Variants in SGCD observed in about 807,000 individuals in gnomAD.
The protein encoded by SGCD is sarcoglycan delta.
A neutral mutation model predicts 36.6 loss-of-function variants in SGCD; 18 were observed. The observed-to-expected ratio is 0.49, with a 90% CI of 0.34 to 0.73. The LOEUF (loss-of-function observed/expected upper bound fraction) is 0.73, where lower values mean the gene tolerates loss of function less well. Ranked by LOEUF, SGCD falls within the 30% of genes least tolerant of loss-of-function variation. SGCD has a pLI of 0.01. For missense variants in SGCD, 387 were observed against 346.7 expected, an observed-to-expected ratio of 1.12 and a Z score of -0.92; for synonymous variants, 133 against 130.6, an observed-to-expected ratio of 1.02 and a Z score of -0.12.
chr5:156,392,457 C>T (rs970512774), intron 3 of SGCD, among the ~76,000 whole-genome samples: 33 of 152,278 alleles, frequency 2.2e-4, no homozygotes, highest in African/African-American at 7.9e-4. Context: ...TACAGATAGG[C>T]AGGTTGTAGG....
intron 3 of SGCD, among the ~76,000 whole-genome samples, chr5:156,244,799 C>T (rs146080760): frequency 1.3e-5 from 2 of 152,256 alleles, no homozygotes; most frequent in Non-Finnish European, 2.9e-5. Flanking sequence ...GTATTTTAAA[C>T]TATAACAGAA....
At chr5:156,534,286 T>C (rs1355502647) in intron 4 of SGCD, among the ~76,000 whole-genome samples, 1 of 151,960 alleles carries the variant, frequency 6.6e-6, no homozygotes, top group Non-Finnish European at 1.5e-5. Context: ...TGTACAAAAG[T>C]GGAAACCTAG....
the SGCD span, among the ~76,000 whole-genome samples, chr5:155,807,577 A>T: frequency 6.6e-6 from 1 of 152,258 alleles, no homozygotes; most frequent in Non-Finnish European, 1.5e-5. Context: ...GTTACTGGAG[A>T]TAAGTCCATA....
intron 7 of SGCD, among the ~76,000 whole-genome samples, chr5:156,696,759 C>T (rs1754332341): frequency 6.6e-6 from 1 of 152,284 alleles, no homozygotes; most frequent in Admixed American, 6.5e-5. Flanking sequence ...ATCTTCCTGC[C>T]TTGGCCTCCC....
At chr5:155,904,619 C>T (rs566129724) in intron 1 of SGCD, among the ~76,000 whole-genome samples, 94 of 152,164 alleles carry the variant, frequency 6.2e-4, no homozygotes, top group African/African-American at 2.0e-3. Flanking sequence ...CAATTCTTTT[C>T]GTGTAAAATA....
At chr5:156,693,492 A>C (rs1561860812) in intron 7 of SGCD, among the ~76,000 whole-genome samples, 1 of 152,086 alleles carries the variant, frequency 6.6e-6, no homozygotes, top group South Asian at 2.1e-4. Context: ...TTATCTTGAG[A>C]AATAGTTGAG....
intron 3 of SGCD, among the ~76,000 whole-genome samples, chr5:156,308,436 C>G (rs1251506766): frequency 1.3e-5 from 2 of 152,004 alleles, no homozygotes; most frequent in African/African-American, 4.8e-5. Context: ...GTAGCTGGGA[C>G]TACAGGTGTC....
At chr5:155,977,354 A>G (rs1030602545) in intron 1 of SGCD, among the ~76,000 whole-genome samples, 3 of 152,228 alleles carry the variant, frequency 2.0e-5, no homozygotes, top group Non-Finnish European at 4.4e-5. Flanking sequence ...TGCTCTTCAT[A>G]ATACTCACAA....
chr5:156,730,349 C>T (rs145536207), intron 7 of SGCD, among the ~76,000 whole-genome samples: 251 of 152,108 alleles, frequency 1.7e-3, no homozygotes, highest in African/African-American at 5.3e-3. Context: ...AGTAACCATT[C>T]GTTATTTTCC....
At chr5:156,073,217 A>T (rs1430613907) in intron 1 of SGCD, among the ~76,000 whole-genome samples, 1 of 152,150 alleles carries the variant, frequency 6.6e-6, no homozygotes, top group Admixed American at 6.6e-5. Flanking sequence ...ATGCAAAGTT[A>T]GGACAAAATG....
the SGCD span, among the ~76,000 whole-genome samples, chr5:155,769,768 G>A: frequency 5.9e-5 from 9 of 152,028 alleles, no homozygotes; most frequent in Admixed American, 2.6e-4. Context: ...CTATTGGCGT[G>A]GCCTTCTTCC....
rs551897954 is a variant in SGCD, at chr5:156,682,803, T to A, written c.575+35267T>A. Among the ~76,000 whole-genome samples, 663 of 141,010 alleles carry A rather than the reference T, an allele frequency of 4.7e-3. 4 individuals are homozygous for A. Among genetic ancestry groups the A allele is most frequent in the Admixed American group, 7.1e-3 (98 of 13,876 alleles). 92.5% of individuals were successfully genotyped at this position (141,010 alleles called of 152,430 possible). A position where few individuals can be genotyped will look rare whatever the true frequency, so the allele number is the denominator to read the frequency against. ...GTTTACATTTGAGAACACTTAATAA[T>A]GACTTTGGAAGCAACATTAGTACCG... is the stretch of plus-strand genomic sequence containing the variant. On this transcript the variant is annotated intron_variant, in intron 7 of 8. Transcript: ENST00000337851.
intron 7 of SGCD, among the ~76,000 whole-genome samples, chr5:156,699,834 G>A (rs1371575372): frequency 6.6e-6 from 1 of 152,176 alleles, no homozygotes; most frequent in Non-Finnish European, 1.5e-5. Context: ...ATATTCAAGT[G>A]TACTTTGATG....
intron 1 of SGCD, among the ~76,000 whole-genome samples, chr5:156,107,731 A>G (rs1369807257): frequency 6.6e-6 from 1 of 152,044 alleles, no homozygotes; most frequent in Non-Finnish European, 1.5e-5. Context: ...TTATAGATAT[A>G]TCTTTTGTGC....
At chr5:156,625,710 G>A (rs764348431) in intron 6 of SGCD, among the ~76,000 whole-genome samples, 1 of 152,182 alleles carries the variant, frequency 6.6e-6, no homozygotes, top group Non-Finnish European at 1.5e-5. Context: ...TACTTAGTGA[G>A]CACCTATTAT....
In SGCD at chr5:156,767,361, T is replaced by C. The variant is rs138219122; in HGVS notation, c.*7971T>C. The C allele has an allele frequency of 6.6e-6, 1 of 152,108 alleles. No homozygotes were observed. Among genetic ancestry groups the C allele is most frequent in the East Asian group, 1.9e-4 (1 of 5,174 alleles). The allele number at this position is 152,108 out of a possible 1,614,324, so 9.4% of individuals were successfully genotyped here. A position where few individuals can be genotyped will look rare whatever the true frequency, so the allele number is the denominator to read the frequency against. ...CATACTTCTTAAGGAGGTCGTGTTT[T>C]AGAAGGAAAAGGCAGAGGCTATCCA... On this transcript the variant is annotated 3_prime_UTR_variant, in exon 9 of 9. Transcript: ENST00000337851.
chr5:156,090,016 T>A (rs899417378), intron 1 of SGCD, among the ~76,000 whole-genome samples: 1 of 152,074 alleles, frequency 6.6e-6, no homozygotes, highest in Non-Finnish European at 1.5e-5. Flanking sequence ...CAAATCCAAA[T>A]GAATATGAAG....
intron 7 of SGCD, among the ~76,000 whole-genome samples, chr5:156,673,114 A>C (rs1188806995): frequency 6.6e-6 from 1 of 152,158 alleles, no homozygotes; most frequent in Non-Finnish European, 1.5e-5. Context: ...AATCATTACA[A>C]ATCCATTCCC....
intron 1 of SGCD, among the ~76,000 whole-genome samples, chr5:156,033,218 A>T (rs1759397579): frequency 6.6e-6 from 1 of 152,158 alleles, no homozygotes; most frequent in African/African-American, 2.4e-5. Context: ...CCTGAACCAA[A>T]CTTCAACAAA....
Sources: gnomAD v4.1 joint callset for allele counts (sites outside exome capture counted in the v4.1 genomes callset) on GRCh38, gnomAD v4.1.1 for gene constraint, MANE v1.5 for transcripts, NCBI Gene and HGNC (gene_info 2026-07-23, HGNC 2026-07-21) for gene names.